Variants in AGMO observed in about 807,000 individuals in gnomAD.
The protein encoded by AGMO is glyceryl-ether monooxygenase.
A neutral mutation model predicts 60.2 loss-of-function variants in AGMO; 75 were observed. The ratio of observed to expected loss-of-function variants is 1.25; its 90% confidence interval spans 1.03 to 1.51. AGMO has a LOEUF of 1.51. Among genes scored for constraint, AGMO ranks in the 40% most tolerant of loss-of-function variants. AGMO has a pLI of 0.00. For synonymous variants in AGMO, 261 were observed against 177.1 expected (o/e 1.47, Z -3.76); for missense variants, 763 against 525.5 (o/e 1.45, Z -4.42).
At chr7:15,472,900 A>G (rs1342733505) in intron 3 of AGMO, among the ~76,000 whole-genome samples, 3 of 151,956 alleles carry the variant, frequency 2.0e-5, no homozygotes, top group Non-Finnish European at 4.4e-5. Context: ...AACAAAAGCA[A>G]GTAGGAAACA....
chr7:15,313,123 G>C (rs565670481), intron 12 of AGMO, among the ~76,000 whole-genome samples: 1 of 152,282 alleles, frequency 6.6e-6, no homozygotes, highest in Non-Finnish European at 1.5e-5. Flanking sequence ...TCAATGTCTT[G>C]TGAGGCTAAA....
the AGMO span, among the ~76,000 whole-genome samples, chr7:15,151,956 C>T: frequency 2.0e-5 from 3 of 152,046 alleles, no homozygotes; most frequent in Admixed American, 1.3e-4. Flanking sequence ...TTAGTGCTTC[C>T]AATTGCATTC....
chr7:15,203,488 TTTTC>T (rs1781357983), intron 12 of AGMO, among the ~76,000 whole-genome samples: 1 of 152,042 alleles, frequency 6.6e-6, no homozygotes, highest in African/African-American at 2.4e-5. Context: ...CTTATTTTTT[TTTTC>T]TTTTCTTTTT....
At chr7:15,321,441 T>A (rs11761152) in intron 12 of AGMO, among the ~76,000 whole-genome samples, 54,355 of 152,034 alleles carry the variant, frequency 0.36, 11,162 homozygotes, top group East Asian at 0.51. Context: ...AGTTTGTAAG[T>A]ACATCGTCAC....
At chr7:15,176,152 T>TA in the AGMO span, among the ~76,000 whole-genome samples, 2 of 152,054 alleles carry the variant, frequency 1.3e-5, no homozygotes, top group Non-Finnish European at 2.9e-5. Context: ...ATACTTAATT[T>TA]ATCAAAAGCA....
intron 3 of AGMO, among the ~76,000 whole-genome samples, chr7:15,495,729 G>T (rs1783204019): frequency 6.6e-6 from 1 of 152,122 alleles, no homozygotes; most frequent in Non-Finnish European, 1.5e-5. Flanking sequence ...AGATTTGGTT[G>T]CTAGTAAGGC....
intron 3 of AGMO, among the ~76,000 whole-genome samples, chr7:15,485,318 AAAAAAAAG>A (rs957588443): frequency 1.4e-4 from 21 of 152,042 alleles, no homozygotes; most frequent in African/African-American, 4.8e-5. Flanking sequence ...TTCTGTTTGA[AAAAAAAAG>A]AAAAAAAGAA....
chr7:15,475,130 G>GTGGCAAT (rs1782560159), intron 3 of AGMO, among the ~76,000 whole-genome samples: 2 of 152,136 alleles, frequency 1.3e-5, no homozygotes, highest in Non-Finnish European at 2.9e-5. Flanking sequence ...GGAAGACAGC[G>GTGGCAAT]TGGCAATTCC....
chr7:15,172,584 GT>G, the AGMO span, among the ~76,000 whole-genome samples: 2 of 152,140 alleles, frequency 1.3e-5, no homozygotes, highest in Non-Finnish European at 2.9e-5. Flanking sequence ...TAAGACTTTG[GT>G]GGTTGAGTAC....
At chr7:15,134,718 T>C in the AGMO span, among the ~76,000 whole-genome samples, 1 of 152,156 alleles carries the variant, frequency 6.6e-6, no homozygotes. Context: ...GGCATTTACG[T>C]TGACTCCACG....
intron 5 of AGMO, among the ~76,000 whole-genome samples, chr7:15,396,780 A>T (rs1050900961): frequency 1.3e-5 from 2 of 151,336 alleles, no homozygotes; most frequent in Non-Finnish European, 2.9e-5. Context: ...TCCATCTTAC[A>T]GGGAGCTGAT....
At chr7:15,482,579 G>C (rs1406765001) in intron 3 of AGMO, among the ~76,000 whole-genome samples, 2 of 152,080 alleles carry the variant, frequency 1.3e-5, no homozygotes, top group Non-Finnish European at 2.9e-5. Flanking sequence ...ATTTAAGGAA[G>C]AAATAGTGAC....
intron 12 of AGMO, among the ~76,000 whole-genome samples, chr7:15,271,935 T>G (rs1010615494): frequency 2.6e-5 from 4 of 152,154 alleles, no homozygotes; most frequent in Admixed American, 1.3e-4. Flanking sequence ...ATATGGTTTT[T>G]GTTTCTAATT....
At chr7:15,465,858 T>C (rs1782270385) in intron 3 of AGMO, among the ~76,000 whole-genome samples, 2 of 152,032 alleles carry the variant, frequency 1.3e-5, no homozygotes, top group Admixed American at 1.3e-4. Flanking sequence ...AATAGTTCAG[T>C]CTTTTTTAAA....
the AGMO span, among the ~76,000 whole-genome samples, chr7:15,140,973 T>G: frequency 2.0e-5 from 3 of 152,182 alleles, no homozygotes; most frequent in Non-Finnish European, 4.4e-5. Flanking sequence ...TTAGTTGACC[T>G]TAGTCAACGA....
At chr7:15,369,336 A>T (rs1483651639) in intron 10 of AGMO, among the ~76,000 whole-genome samples, 1 of 152,036 alleles carries the variant, frequency 6.6e-6, no homozygotes, top group Non-Finnish European at 1.5e-5. Flanking sequence ...TAAACCCTCC[A>T]GGGGCTCACT....
chr7:15,322,454 ATAAATATATATAAATAT>A (rs1781138861), intron 12 of AGMO, among the ~76,000 whole-genome samples: 6 of 82,024 alleles, frequency 7.3e-5, no homozygotes, highest in Non-Finnish European at 1.5e-4. Context: ...AAATATATAT[ATAAATATATATAAATAT>A]ATAAATATAT....
At chr7:15,391,920 A>G (rs768402693) in intron 6 of AGMO, among the ~76,000 whole-genome samples, 18 of 152,124 alleles carry the variant, frequency 1.2e-4, no homozygotes, top group Non-Finnish European at 2.4e-4. Context: ...CAACAAAGAA[A>G]TATCTGTCCC....
At chr7:15,163,615 C>T in the AGMO span, among the ~76,000 whole-genome samples, 6,129 of 152,020 alleles carry the variant, frequency 0.04, 410 homozygotes, top group African/African-American at 0.14. Flanking sequence ...TATATGGTGA[C>T]TCACATTTAT....
Sources: gnomAD v4.1 joint callset for allele counts (sites outside exome capture counted in the v4.1 genomes callset) on GRCh38, gnomAD v4.1.1 for gene constraint, MANE v1.5 for transcripts, NCBI Gene and HGNC (gene_info 2026-07-23, HGNC 2026-07-21) for gene names.